The following SCN8A variants were observed in gnomAD, a reference collection of about 807,000 sequenced individuals.
SCN8A encodes the protein sodium channel protein type 8 subunit alpha.
Under a neutral mutation model 184.1 loss-of-function variants are expected in SCN8A, and 30 were observed. The ratio of observed to expected loss-of-function variants is 0.16; its 90% CI spans 0.12 to 0.22. The LOEUF (loss-of-function observed/expected upper bound fraction) is 0.22. Ranked by LOEUF, SCN8A falls within the 10% of genes least tolerant of loss-of-function variation. SCN8A has a pLI of 1.00. For missense variants in SCN8A, 1,057 were observed against 2,498.9 expected (o/e 0.42, Z 12.30); for synonymous variants, 852 against 907.0 (o/e 0.94, Z 1.09).
Position 51,699,619 on chromosome 12 carries a change from A to G in SCN8A, c.756A>G (p.Ser252=). Residue 252 remains serine, a synonymous_variant, in exon 7 of 27, where the codon TCA becomes TCG. Transcript: ENST00000627620. ...TGATTCAGTCTGTGAAGAAACTGTCAGATGTGATGATCCTGACAGTGTTCT... is the reference window on the plus strand; with the variant it reads ...TGATTCAGTCTGTGAAGAAACTGTCGGATGTGATGATCCTGACAGTGTTCT... ...GALIQSVKKL[S]DVMILTVFCL... 1 of 1,614,056 alleles carries G rather than the reference A, an allele frequency of 6.2e-7. No homozygotes were observed. Among genetic ancestry groups the G allele is most frequent in the Non-Finnish European group, 8.5e-7 (1 of 1,180,010 alleles).
intron 1 of SCN8A, among the ~76,000 whole-genome samples, chr12:51,627,601 C>T (rs569973748): frequency 9.9e-5 from 15 of 152,226 alleles, no homozygotes; most frequent in African/African-American, 1.9e-4. Flanking sequence ...AGGGTGGTCT[C>T]GATCTCCTGA....
intron 11 of SCN8A, among the ~76,000 whole-genome samples, chr12:51,710,772 C>G (rs980153469): frequency 5.3e-5 from 8 of 152,220 alleles, no homozygotes; most frequent in Non-Finnish European, 1.0e-4. Context: ...TTTCAAGAAA[C>G]CTTCCCTGAC....
chr12:51,593,997 C>T (rs952784578), intron 1 of SCN8A, among the ~76,000 whole-genome samples: 2 of 152,152 alleles, frequency 1.3e-5, no homozygotes, highest in Non-Finnish European at 2.9e-5. Context: ...ATCAGGAGAG[C>T]GTCTTCTGTG....
At chr12:51,758,424 G>A (rs896397826) in intron 14 of SCN8A, among the ~76,000 whole-genome samples, 2 of 150,160 alleles carry the variant, frequency 1.3e-5, no homozygotes, top group Non-Finnish European at 3.0e-5. Flanking sequence ...TTAATGTCTG[G>A]TTTGTTTGTT....
chr12:51,728,851 C>T (rs1244636781), intron 12 of SCN8A, among the ~76,000 whole-genome samples: 2 of 152,090 alleles, frequency 1.3e-5, no homozygotes, highest in Non-Finnish European at 2.9e-5. Flanking sequence ...CAAACATGCA[C>T]CCCCCAACCC....
chr12:51,808,878 G>T lies in SCN8A; in HGVS notation c.*1449G>T, dbSNP rs967828272. The T allele has an allele frequency of 1.4e-4, 21 of 152,336 alleles. No homozygotes were observed. The highest frequency in any genetic ancestry group is 4.6e-4 in the African/African-American group (19 of 41,560). The allele number at this position is 152,336 out of a possible 1,614,324, so 9.4% of individuals were successfully genotyped here. ...AGCAGGGCTTCCCTTGCCCACAGAGGTGGGTGAGGGTAGCAGCATTGGGGT... is the reference window on the plus strand; with the variant it reads ...AGCAGGGCTTCCCTTGCCCACAGAGTTGGGTGAGGGTAGCAGCATTGGGGT... On this transcript the variant is annotated 3_prime_UTR_variant, in exon 27 of 27. Transcript: ENST00000627620.
chr12:51,603,450 GGAA>G (rs1206209640), intron 1 of SCN8A, among the ~76,000 whole-genome samples: 3 of 152,084 alleles, frequency 2.0e-5, no homozygotes, highest in African/African-American at 7.2e-5. Context: ...AAGAACATTT[GGAA>G]TATGTCCAGT....
At chr12:51,670,972 G>A (rs1428258156) in intron 2 of SCN8A, among the ~76,000 whole-genome samples, 1 of 152,044 alleles carries the variant, frequency 6.6e-6, no homozygotes, top group Non-Finnish European at 1.5e-5. Context: ...AAACAAATAC[G>A]GAAATAAAAT....
chr12:51,638,807 A>G (rs538281139), intron 1 of SCN8A, among the ~76,000 whole-genome samples: 1 of 152,108 alleles, frequency 6.6e-6, no homozygotes, highest in South Asian at 2.1e-4. Context: ...TCTAACCCTC[A>G]TGAATGACTT....
At position 51,768,897 on chromosome 12, in the gene SCN8A, C is replaced by A; in HGVS notation, c.2934C>A (p.Ser978Arg). 1 of 1,585,390 alleles carries A rather than the reference C, an allele frequency of 6.3e-7. No homozygotes were observed. The highest frequency in any genetic ancestry group is 8.6e-7 in the Non-Finnish European group (1 of 1,161,928). The part of the protein sequence containing the change: ...VLNLFLALLL[S>R]SFSADNLAAT... ...ACCTGTTTCTGGCCTTGCTCCTGAG[C>A]TCCTTCAGTGCAGACAACCTGGCTG... The change falls in exon 17 of 27, where the codon AGC becomes AGA. Residue 978 changes from serine (S) to arginine (R), a missense_variant. This residue lies in a region of SCN8A where 66 missense variants were observed against 310.6 expected (regional missense o/e 0.21). Transcript: ENST00000627620.
At chr12:51,708,803 A>T (rs987123216) in intron 11 of SCN8A, among the ~76,000 whole-genome samples, 2 of 152,208 alleles carry the variant, frequency 1.3e-5, no homozygotes, top group Non-Finnish European at 2.9e-5. Context: ...TCAACAGATT[A>T]CGTCCTAAAA....
chr12:51,717,340 C>T (rs1941982534), intron 11 of SCN8A, among the ~76,000 whole-genome samples: 1 of 152,208 alleles, frequency 6.6e-6, no homozygotes, highest in Admixed American at 6.5e-5. Context: ...CTATTTTTCC[C>T]AATTCTTCAT....
chr12:51,591,350 C>CGCCGCT lies in SCN8A; in HGVS notation c.-59_-55+1dup, dbSNP rs1471283878. 6.4e-6 allele frequency: 1 copy of CGCCGCT among 155,122 alleles called. No homozygotes were observed. Among genetic ancestry groups the CGCCGCT allele is most frequent in the East Asian group, 1.9e-4 (1 of 5,260 alleles). The allele number at this position is 155,122 out of a possible 1,614,324, so 9.6% of individuals were successfully genotyped here. A position where few individuals can be genotyped will look rare whatever the true frequency, so the allele number is the denominator to read the frequency against. ...GGGCCGCCGCTGCCTCCCTCGCCGC[C>CGCCGCT]GCCGCTGCCGTAAGTCGCCCCAGAG... On this transcript the variant is annotated 5_prime_UTR_variant, in exon 1 of 27. Transcript: ENST00000627620.
At chr12:51,729,264 C>G (rs1942203874) in intron 12 of SCN8A, among the ~76,000 whole-genome samples, 1 of 152,076 alleles carries the variant, frequency 6.6e-6, no homozygotes, top group Non-Finnish European at 1.5e-5. Flanking sequence ...GTTATCTGAG[C>G]AATTGAGGAT....
chr12:51,637,695 C>A (rs1293591313), intron 1 of SCN8A, among the ~76,000 whole-genome samples: 3 of 152,140 alleles, frequency 2.0e-5, no homozygotes, highest in Non-Finnish European at 2.9e-5. Context: ...GAGATTTAAG[C>A]AAAGAAGTCA....
At chr12:51,699,990 A>C (rs1416325375) in intron 7 of SCN8A, among the ~76,000 whole-genome samples, 199 bp downstream of exon 7, 1 of 151,972 alleles carries the variant, frequency 6.6e-6, no homozygotes. Flanking sequence ...AACATGGAGA[A>C]ACCCTCTCTC....
At chr12:51,679,453 A>G (rs987759451) in intron 2 of SCN8A, among the ~76,000 whole-genome samples, 14 of 152,178 alleles carry the variant, frequency 9.2e-5, no homozygotes, top group African/African-American at 3.4e-4. Flanking sequence ...TTCTGTGTCC[A>G]TAAAGTTTTA....
rs1485384383 is a variant in SCN8A, at chr12:51,808,717, T to C, written c.*1288T>C. ...TTCATTTCGTATCATGTCCTCTGCATTGTGGCTTTCTCCAGGCATGGGTCG... is the reference window on the plus strand; with the variant it reads ...TTCATTTCGTATCATGTCCTCTGCACTGTGGCTTTCTCCAGGCATGGGTCG... On this transcript the variant is annotated 3_prime_UTR_variant, in exon 27 of 27. Transcript: ENST00000627620. The C allele has an allele frequency of 1.3e-5, 2 of 152,162 alleles. No individual in the cohort carries two copies. Among genetic ancestry groups the C allele is most frequent in the Non-Finnish European group, 2.9e-5 (2 of 68,032 alleles). 9.4% of individuals were successfully genotyped at this position (152,162 alleles called of 1,614,324 possible). A position where few individuals can be genotyped will look rare whatever the true frequency, so the allele number is the denominator to read the frequency against.
chr12:51,801,328 A>G (rs1380702745), intron 26 of SCN8A, among the ~76,000 whole-genome samples: 1 of 152,212 alleles, frequency 6.6e-6, no homozygotes, highest in Admixed American at 6.5e-5. Context: ...TCTGGCATAC[A>G]GGGAAGAGCA....
Sources: gnomAD v4.1 joint callset for allele counts (sites outside exome capture counted in the v4.1 genomes callset) on GRCh38, gnomAD v4.1.1 for gene constraint, gnomAD v4.1.1 regional missense constraint, MANE v1.5 for transcripts, NCBI Gene and HGNC (gene_info 2026-07-23, HGNC 2026-07-21) for gene names.